Variants in CRISP1 observed in about 807,000 individuals in gnomAD.
The protein encoded by CRISP1 is cysteine-rich secretory protein 1.
In CRISP1, 44 loss-of-function variants were observed where a neutral mutation model predicts 33.1. The observed-to-expected ratio is 1.33, with a 90% CI of 1.05 to 1.71. The LOEUF (loss-of-function observed/expected upper bound fraction) is 1.71. Ranked by LOEUF, CRISP1 falls within the 40% of genes most tolerant of loss-of-function variation. The pLI, the probability that CRISP1 is intolerant of heterozygous loss-of-function variation, is 0.00. For missense variants in CRISP1, 390 were observed against 301.2 expected, an observed-to-expected ratio of 1.29 and a Z score of -2.18; for synonymous variants, 103 against 98.7, an observed-to-expected ratio of 1.04 and a Z score of -0.26.
At chr6:49,856,369 CT>C (rs1420554970) in intron 2 of CRISP1, among the ~76,000 whole-genome samples, 2 of 152,106 alleles carry the variant, frequency 1.3e-5, no homozygotes, top group African/African-American at 4.8e-5. Flanking sequence ...GAAGGTCACC[CT>C]TCCTCACTGG....
chr6:49,871,980 C>G (rs1771934432), intron 1 of CRISP1, among the ~76,000 whole-genome samples: 1 of 152,142 alleles, frequency 6.6e-6, no homozygotes, highest in Non-Finnish European at 1.5e-5. Flanking sequence ...GCCACACTGA[C>G]TTCCACAATG....
intron 3 of CRISP1, among the ~76,000 whole-genome samples, chr6:49,849,060 A>G (rs1407130315): frequency 6.6e-6 from 1 of 152,172 alleles, no homozygotes; most frequent in Admixed American, 6.6e-5. Context: ...CTCAGTGTGC[A>G]TCAACTGTGC....
intron 3 of CRISP1, among the ~76,000 whole-genome samples, chr6:49,849,543 G>A (rs935619755): frequency 2.0e-5 from 3 of 152,072 alleles, no homozygotes; most frequent in Non-Finnish European, 4.4e-5. Flanking sequence ...ACTAGACCTT[G>A]GCTGAACCCC....
intron 1 of CRISP1, among the ~76,000 whole-genome samples, chr6:49,871,986 C>T (rs1342752210): frequency 6.6e-6 from 1 of 152,074 alleles, no homozygotes; most frequent in Non-Finnish European, 1.5e-5. Flanking sequence ...CTGACTTCCA[C>T]AATGGTTGAA....
intron 7 of CRISP1, 111 bp downstream of exon 7, chr6:49,838,326 T>A: frequency 1.3e-6 from 1 of 759,256 alleles, no homozygotes; most frequent in Non-Finnish European, 2.2e-6. Flanking sequence ...TGTACATGAA[T>A]GAGATGAAAG....
intron 1 of CRISP1, among the ~76,000 whole-genome samples, chr6:49,873,167 T>TA (rs1171760924): frequency 6.6e-6 from 1 of 150,868 alleles, no homozygotes; most frequent in Non-Finnish European, 1.5e-5. Flanking sequence ...AACTTAAGTA[T>TA]AAAAAATAAA....
exon 1 of CRISP1, chr6:49,877,035 TA>T (rs1451897720): frequency 6.6e-6 from 1 of 151,826 alleles, no homozygotes; most frequent in East Asian, 1.9e-4. Context: ...GAAGTTAAAA[TA>T]AAAGTTGAAG....
intron 1 of CRISP1, among the ~76,000 whole-genome samples, chr6:49,876,023 C>A (rs1472395886): frequency 6.6e-6 from 1 of 151,912 alleles, no homozygotes; most frequent in Non-Finnish European, 1.5e-5. Flanking sequence ...AAAGCAATTT[C>A]AATAAAGCAA....
At chr6:49,838,888 A>G (rs1316833546) in intron 6 of CRISP1, among the ~76,000 whole-genome samples, 1 of 152,186 alleles carries the variant, frequency 6.6e-6, no homozygotes, top group East Asian at 1.9e-4. Context: ...ACCTATAAGG[A>G]CTTGGTAAAC....
chr6:49,858,773 A>T lies in CRISP1; in HGVS notation c.-2-1371T>A, dbSNP rs116552014. 2.6e-3 allele frequency among the ~76,000 whole-genome samples: 398 copies of T among 152,276 alleles called. 2 individuals carry two copies. The highest frequency in any genetic ancestry group is 4.9e-3 in the Non-Finnish European group (330 of 68,012). On this transcript the variant is annotated intron_variant, in intron 1 of 7. Coordinates refer to ENST00000335847, the MANE Select transcript of CRISP1 (RefSeq NM_001131.3). ...AGCAGATAATATTAACCCTGAGGTA[A>T]CTGAAACAAAAAAGGTAAATAAAAG...
At chr6:49,867,370 T>C (rs1248158011), upstream of CRISP1, among the ~76,000 whole-genome samples, 1 of 152,080 alleles carries the variant, frequency 6.6e-6, no homozygotes, top group Non-Finnish European at 1.5e-5. Context: ...AAGTCATAGC[T>C]TGCTGGCCTC....
intron 1 of CRISP1, among the ~76,000 whole-genome samples, chr6:49,865,916 G>A (rs2127478434): frequency 6.6e-6 from 1 of 152,248 alleles, no homozygotes; most frequent in Middle Eastern, 3.4e-3. Flanking sequence ...ATGCTGTCTT[G>A]GTTCTGATAG....
intron 4 of CRISP1, 27 bp downstream of exon 4, chr6:49,848,182 A>G (rs1582267320): frequency 1.5e-6 from 2 of 1,294,714 alleles, no homozygotes; most frequent in Non-Finnish European, 2.2e-6. Flanking sequence ...TTTAGTCCAA[A>G]GGCGGGTCAT....
At chr6:49,865,911 G>C (rs747963201) in intron 1 of CRISP1, among the ~76,000 whole-genome samples, 1 of 152,148 alleles carries the variant, frequency 6.6e-6, no homozygotes, top group African/African-American at 2.4e-5. Context: ...CCTTCATGCT[G>C]TCTTGGTTCT....
At chr6:49,859,245 T>C (rs114461733) in intron 1 of CRISP1, among the ~76,000 whole-genome samples, 118 of 152,070 alleles carry the variant, frequency 7.8e-4, no homozygotes, top group African/African-American at 2.7e-3. Flanking sequence ...GCGTCCTTTA[T>C]TGAGAGCCTA....
chr6:49,864,467 T>C (rs911367769), intron 1 of CRISP1, among the ~76,000 whole-genome samples: 28 of 151,790 alleles, frequency 1.8e-4, no homozygotes, highest in Non-Finnish European at 3.5e-4. Context: ...TATTGGGCTG[T>C]ATGGTATACA....
chr6:49,876,672 G>T (rs574217504), intron 1 of CRISP1, among the ~76,000 whole-genome samples: 1 of 151,972 alleles, frequency 6.6e-6, no homozygotes, highest in African/African-American at 2.4e-5. Context: ...AAGAAAATGC[G>T]ATACATATAC....
chr6:49,841,711 G>A (rs1390856577), intron 5 of CRISP1, among the ~76,000 whole-genome samples: 1 of 152,152 alleles, frequency 6.6e-6, no homozygotes, highest in Non-Finnish European at 1.5e-5. Flanking sequence ...ATCGGTCAGT[G>A]AACAGGCATA....
At chr6:49,844,934 T>C (rs1275306572) in intron 5 of CRISP1, among the ~76,000 whole-genome samples, 1 of 152,052 alleles carries the variant, frequency 6.6e-6, no homozygotes, top group Non-Finnish European at 1.5e-5. Context: ...AATATTTAGG[T>C]AAGACTTTGG....
Sources: allele counts gnomAD v4.1 joint callset (sites outside exome capture counted in the v4.1 genomes callset), GRCh38; gene constraint gnomAD v4.1.1; transcripts MANE v1.5; gene names NCBI Gene and HGNC (gene_info 2026-07-23, HGNC 2026-07-21).